ZDHHC18: variants seen among roughly 807,000 people sequenced by gnomAD.
ZDHHC18 encodes palmitoyltransferase ZDHHC18.
In ZDHHC18, 23 loss-of-function variants were observed where a neutral mutation model predicts 37.5. The ratio of observed to expected loss-of-function variants is 0.61; its 90% CI spans 0.44 to 0.87. The LOEUF (loss-of-function observed/expected upper bound fraction) is 0.87, where lower values mean the gene tolerates loss of function less well. ZDHHC18 is among the 40% of genes least tolerant of loss of function. The probability of loss-of-function intolerance (pLI) is 0.00; values close to 1 mark genes in which losing one functional copy is unlikely to be tolerated. For missense variants in ZDHHC18, 406 were observed against 525.6 expected (o/e 0.77, Z 2.22); for synonymous variants, 185 against 218.7 (o/e 0.85, Z 1.36).
chr1:26,843,303 C>G (rs928417895), intron 2 of ZDHHC18, among the ~76,000 whole-genome samples: 1 of 151,130 alleles, frequency 6.6e-6, no homozygotes, highest in Non-Finnish European at 1.5e-5. Context: ...CCACCACACC[C>G]GGCTAACTTT....
chr1:26,827,121 G>T lies in ZDHHC18; in HGVS notation c.317G>T (p.Gly106Val). 2 of 1,413,498 alleles carry T rather than the reference G, an allele frequency of 1.4e-6. No homozygotes were observed. Among genetic ancestry groups the T allele is most frequent in the Non-Finnish European group, 1.8e-6 (2 of 1,088,128 alleles). 87.6% of individuals were successfully genotyped at this position (1,413,498 alleles called of 1,614,324 possible). ...CTGCTGCTCATCCTCACCACCACCG[G>T]CCTCTTCTTCGTCTTTGAGTGAGTT... ...LTLLLILTTT[G>V]LFFVFDCPYL... The change falls in exon 1 of 8, where the codon GGC becomes GTC. Residue 106 changes from glycine (G) to valine (V), a missense_variant. Coordinates refer to ENST00000374142, the MANE Select transcript of ZDHHC18 (RefSeq NM_032283.3).
intron 1 of ZDHHC18, among the ~76,000 whole-genome samples, chr1:26,830,208 A>G (rs1414653067): frequency 6.6e-6 from 1 of 152,182 alleles, no homozygotes. Flanking sequence ...CAGGCCTCCC[A>G]GGGCCCCGTC....
At position 26,826,849 on chromosome 1, in the gene ZDHHC18, G is replaced by A; in HGVS notation, c.45G>A (p.Pro15=). 1.0e-6 allele frequency: 1 copy of A among 980,188 alleles called. No individual in the cohort carries two copies. Among genetic ancestry groups the A allele is most frequent in the Non-Finnish European group, 1.2e-6 (1 of 827,846 alleles). The allele number at this position is 980,188 out of a possible 1,614,324, so 60.7% of individuals were successfully genotyped here. A position where few individuals can be genotyped will look rare whatever the true frequency, so the allele number is the denominator to read the frequency against. Residue 15 remains proline, a synonymous_variant, in exon 1 of 8, where the codon CCG becomes CCA. Coordinates refer to ENST00000374142, the MANE Select transcript of ZDHHC18 (RefSeq NM_032283.3). The surrounding 1 kb of genome is among the most constrained non-coding windows in gnomAD (Gnocchi z 5.2). ...EYQQISPGAA[P]LPASPGARRP... ...AGCAGATCAGCCCCGGGGCCGCCCC[G>A]CTGCCCGCCTCCCCGGGGGCGCGCC...
At chr1:26,837,458 A>ATTT (rs2081618132) in intron 2 of ZDHHC18, among the ~76,000 whole-genome samples, 4 of 144,396 alleles carry the variant, frequency 2.8e-5, no homozygotes, top group South Asian at 4.3e-4. Flanking sequence ...TATATTATGT[A>ATTT]TATTATTTAT....
At chr1:26,846,912 T>TC (rs397862787) in intron 2 of ZDHHC18, among the ~76,000 whole-genome samples, 1 of 151,814 alleles carries the variant, frequency 6.6e-6, no homozygotes, top group Non-Finnish European at 1.5e-5. Context: ...TTTTTTTTTT[T>TC]CGAGACAGAG....
intron 7 of ZDHHC18, 197 bp downstream of exon 7, chr1:26,853,062 A>T: frequency 1.8e-6 from 1 of 544,824 alleles, no homozygotes; most frequent in Non-Finnish European, 3.3e-6. Flanking sequence ...AAAAAAAATT[A>T]AGTACAAAAC....
In ZDHHC18 at chr1:26,850,438, CGTGAGTT is replaced by C; in HGVS notation, c.784+4_784+10del. 1 of 1,613,908 alleles carries C rather than the reference CGTGAGTT, an allele frequency of 6.2e-7. No individual in the cohort carries two copies. The highest frequency in any genetic ancestry group is 1.1e-5 in the South Asian group (1 of 91,074). On this transcript the variant is annotated splice_donor_variant and splice_donor_5th_base_variant and intron_variant, in intron 4 of 7. Transcript: ENST00000374142. LOFTEE classifies it high-confidence loss of function. This position sits in a 1 kb window ranked among gnomAD's most constrained non-coding sequence, Gnocchi z 6.1. ...CTGTGTGGTCACCCACCTGACGTTGCGTGAGTTGTGGGTGAGGGCAGTGGGGAGTGGA... is the reference window on the plus strand; with the variant it reads ...CTGTGTGGTCACCCACCTGACGTTGCGTGGGTGAGGGCAGTGGGGAGTGGA...
Position 26,852,817 on chromosome 1 carries a change from G to T in ZDHHC18, c.1001G>T (p.Ser334Ile). 1 of 1,614,118 alleles carries T rather than the reference G, an allele frequency of 6.2e-7. No homozygotes were observed. The highest frequency in any genetic ancestry group is 8.5e-7 in the Non-Finnish European group (1 of 1,180,002). ...EASVNPYSHK[S>I]IITNCCAVLC... The stretch of plus-strand genomic sequence containing the variant: ...TCTGTCAACCCCTACAGCCATAAAA[G>T]TATTATCACCAACTGCTGTGCTGTG... The change falls in exon 7 of 8, where the codon AGT (serine) becomes ATT (isoleucine). Residue 334 changes from serine (S) to isoleucine (I), a missense_variant. By Grantham distance (142) the Ser-to-Ile change is moderately radical (BLOSUM62 -2). Coordinates refer to ENST00000374142, the MANE Select transcript of ZDHHC18 (RefSeq NM_032283.3).
rs1405325057 is a variant in ZDHHC18, at chr1:26,827,025, C to T, written c.221C>T (p.Pro74Leu). 1.5e-6 allele frequency: 2 copies of T among 1,290,606 alleles called. No individual in the cohort carries two copies. 79.9% of individuals were successfully genotyped at this position (1,290,606 alleles called of 1,614,324 possible). A position where few individuals can be genotyped will look rare whatever the true frequency, so the allele number is the denominator to read the frequency against. Residue 74 changes from proline (P) to leucine (L), a missense_variant, in exon 1 of 8, where the codon CCG becomes CTG. Transcript: ENST00000374142. ...RRPRRKWEVF[P>L]GRNRFYCGGR... ...CCACGGCGCAAGTGGGAGGTGTTCC[C>T]GGGTCGCAATCGCTTCTACTGCGGC...
chr1:26,855,140 C>G lies in ZDHHC18; in HGVS notation c.*1297C>G, dbSNP rs2081727417. On this transcript the variant is annotated 3_prime_UTR_variant, in exon 8 of 8. Coordinates refer to ENST00000374142, the MANE Select transcript of ZDHHC18 (RefSeq NM_032283.3). ...GGCTTCCAGCTGGGACCTGCCCAGA[C>G]AGGCTGAGCCTGGGCGTGGTGGGTG... The G allele has an allele frequency of 6.6e-6, 1 of 152,308 alleles. No individual in the cohort carries two copies. The highest frequency in any genetic ancestry group is 1.9e-4 in the East Asian group (1 of 5,194). 9.4% of individuals were successfully genotyped at this position (152,308 alleles called of 1,614,324 possible).
intron 2 of ZDHHC18, among the ~76,000 whole-genome samples, chr1:26,845,458 G>A (rs2081659208): frequency 6.9e-6 from 1 of 145,070 alleles, no homozygotes; most frequent in Admixed American, 7.1e-5. Context: ...TCAGCCTCTT[G>A]AGTAGCTGGG....
rs144555543 is a variant in ZDHHC18 at position 26,844,344 on chromosome 1, A to G, written c.497-4264A>G. Reference sequence around the variant, plus strand: ...GTAAGCCACTGCACCCGGCCAGACAATGTTTATGAGATTCATTAATATTAT... The same window carrying G: ...GTAAGCCACTGCACCCGGCCAGACAGTGTTTATGAGATTCATTAATATTAT... On this transcript the variant is annotated intron_variant, in intron 2 of 7. Transcript: ENST00000374142. Among the ~76,000 whole-genome samples, 459 of 152,270 alleles carry G rather than the reference A, an allele frequency of 3.0e-3. 2 individuals carry two copies. The highest frequency in any genetic ancestry group is 0.01 in the African/African-American group (435 of 41,562).
At chr1:26,852,888 AG>A (rs747839036) in intron 7 of ZDHHC18, 23 bp downstream of exon 7, 2 of 1,606,790 alleles carry the variant, frequency 1.2e-6, no homozygotes, top group Non-Finnish European at 1.7e-6. Context: ...GGTGCGGAAG[AG>A]GGGTAACAGG....
At chr1:26,827,282 T>C (rs2081562605) in intron 1 of ZDHHC18, 143 bp downstream of exon 1, 1 of 675,632 alleles carries the variant, frequency 1.5e-6, no homozygotes, top group Non-Finnish European at 2.1e-6. Flanking sequence ...CTCGGGCCTC[T>C]TGTCTGCCCC....
chr1:26,846,024 A>C (rs2081662011), intron 2 of ZDHHC18, among the ~76,000 whole-genome samples: 1 of 151,958 alleles, frequency 6.6e-6, no homozygotes, highest in South Asian at 2.1e-4. Flanking sequence ...GATTAGGGAG[A>C]ATAAATCCTT....
At chr1:26,827,499 C>T (rs1468202015) in intron 1 of ZDHHC18, among the ~76,000 whole-genome samples, 1 of 152,066 alleles carries the variant, frequency 6.6e-6, no homozygotes, top group African/African-American at 2.4e-5. Context: ...CAGAACCTGC[C>T]CCAGGGCTTC....
intron 2 of ZDHHC18, among the ~76,000 whole-genome samples, chr1:26,837,343 T>C (rs981854392): frequency 7.5e-5 from 11 of 147,544 alleles, no homozygotes; most frequent in Non-Finnish European, 1.0e-4. Flanking sequence ...GTATAATATA[T>C]TTAACATATT....
At chr1:26,851,791 C>T (rs1444353128) in intron 6 of ZDHHC18, among the ~76,000 whole-genome samples, 1 of 152,168 alleles carries the variant, frequency 6.6e-6, no homozygotes, top group Non-Finnish European at 1.5e-5. Flanking sequence ...CCTGGCTGCC[C>T]CTCTCAATAT....
chr1:26,846,914 G>A (rs1249065688), intron 2 of ZDHHC18, among the ~76,000 whole-genome samples: 2 of 139,776 alleles, frequency 1.4e-5, no homozygotes, highest in African/African-American at 5.3e-5. Flanking sequence ...TTTTTTTTTC[G>A]AGACAGAGTC....
Sources: gnomAD v4.1 joint callset for allele counts (sites outside exome capture counted in the v4.1 genomes callset) on GRCh38, gnomAD v4.1.1 for gene constraint, Gnocchi (gnomAD v3.1) non-coding constraint, MANE v1.5 for transcripts, NCBI Gene and HGNC (gene_info 2026-07-23, HGNC 2026-07-21) for gene names.